The following LRRC4C variants were observed in gnomAD, a reference collection of about 807,000 sequenced individuals.
The protein encoded by LRRC4C is leucine-rich repeat-containing protein 4C.
A neutral mutation model predicts 33.6 loss-of-function variants in LRRC4C; 5 were observed. The ratio of observed to expected loss-of-function variants is 0.15; its 90% confidence interval spans 0.08 to 0.31. The LOEUF (loss-of-function observed/expected upper bound fraction) is 0.31, where lower values mean the gene tolerates loss of function less well. LRRC4C is among the 10% of genes least tolerant of loss of function. LRRC4C has a pLI of 1.00. For missense variants in LRRC4C, 560 were observed against 796.7 expected, an observed-to-expected ratio of 0.70 and a Z score of 3.58; for synonymous variants, 329 against 302.0, an observed-to-expected ratio of 1.09 and a Z score of -0.93.
chr11:40,756,476 G>A (rs1183011394), intron 2 of LRRC4C, among the ~76,000 whole-genome samples: 1 of 151,894 alleles, frequency 6.6e-6, no homozygotes, highest in Non-Finnish European at 1.5e-5. Flanking sequence ...CCCATATCAG[G>A]CTGCCAGGGA....
intron 3 of LRRC4C, among the ~76,000 whole-genome samples, chr11:40,635,471 T>C (rs1010877604): frequency 1.3e-5 from 2 of 151,882 alleles, no homozygotes; most frequent in African/African-American, 4.8e-5. Context: ...AGAAAGAACA[T>C]ACACACAGAC....
chr11:41,028,499 TC>T (rs1856522657), intron 1 of LRRC4C, among the ~76,000 whole-genome samples: 1 of 151,558 alleles, frequency 6.6e-6, no homozygotes, highest in South Asian at 2.1e-4. Flanking sequence ...TTAGCTTCTC[TC>T]TCACTTAAAT....
At chr11:40,950,319 T>C (rs915702017) in intron 1 of LRRC4C, among the ~76,000 whole-genome samples, 3 of 152,116 alleles carry the variant, frequency 2.0e-5, no homozygotes, top group African/African-American at 7.2e-5. Flanking sequence ...GGAAAAATGA[T>C]AGACATTCCT....
intron 1 of LRRC4C, among the ~76,000 whole-genome samples, chr11:41,079,915 G>A (rs1382237606): frequency 6.6e-6 from 1 of 152,076 alleles, no homozygotes; most frequent in African/African-American, 2.4e-5. Flanking sequence ...ATACCAAGGA[G>A]GTCATTCAGT....
chr11:40,669,152 A>C (rs1437205423), intron 2 of LRRC4C, among the ~76,000 whole-genome samples: 4 of 152,216 alleles, frequency 2.6e-5, no homozygotes, highest in African/African-American at 7.2e-5. Context: ...AAATGAATAA[A>C]TGAATGGGCC....
At chr11:41,418,908 C>T (rs1339823544) in intron 1 of LRRC4C, among the ~76,000 whole-genome samples, 1 of 151,768 alleles carries the variant, frequency 6.6e-6, no homozygotes, top group East Asian at 1.9e-4. Context: ...TTAAATATTA[C>T]CTTCACAAGT....
chr11:41,271,123 T>C (rs1949306084), intron 1 of LRRC4C, among the ~76,000 whole-genome samples: 1 of 152,114 alleles, frequency 6.6e-6, no homozygotes, highest in African/African-American at 2.4e-5. Context: ...GACATATAAT[T>C]TGGGGGGACA....
chr11:40,346,341 C>G (rs1010793465), intron 3 of LRRC4C, among the ~76,000 whole-genome samples: 1 of 152,150 alleles, frequency 6.6e-6, no homozygotes, highest in Non-Finnish European at 1.5e-5. Context: ...AAATGTGATA[C>G]ATATACACCA....
chr11:40,780,785 A>G (rs1024678239), intron 2 of LRRC4C, among the ~76,000 whole-genome samples: 1 of 135,632 alleles, frequency 7.4e-6, no homozygotes, highest in Non-Finnish European at 1.6e-5. Flanking sequence ...AACTGATAAG[A>G]GGCTTTTTTT....
At chr11:40,748,355 C>T (rs1024743710) in intron 2 of LRRC4C, among the ~76,000 whole-genome samples, 7 of 152,162 alleles carry the variant, frequency 4.6e-5, no homozygotes, top group Admixed American at 3.3e-4. Flanking sequence ...CTTAGATAAG[C>T]AAAAGCTTAG....
At chr11:40,714,283 C>T (rs1236812037) in intron 2 of LRRC4C, among the ~76,000 whole-genome samples, 13 of 152,126 alleles carry the variant, frequency 8.5e-5, no homozygotes, top group Non-Finnish European at 2.9e-5. Context: ...AGAAAGTAAA[C>T]GTTTATTATT....
intron 2 of LRRC4C, among the ~76,000 whole-genome samples, chr11:40,714,831 G>A (rs1946629401): frequency 2.0e-5 from 3 of 152,134 alleles, no homozygotes; most frequent in South Asian, 2.1e-4. Context: ...GGTGGCAAAT[G>A]TTAGACTTTT....
intron 3 of LRRC4C, among the ~76,000 whole-genome samples, chr11:40,591,021 T>A (rs1219638731): frequency 1.3e-5 from 2 of 150,750 alleles, no homozygotes; most frequent in East Asian, 2.0e-4. Context: ...TGGAGCTTCC[T>A]GGCTGCTTTG....
intron 1 of LRRC4C, among the ~76,000 whole-genome samples, chr11:41,065,788 C>T (rs1296226696): frequency 2.0e-5 from 3 of 152,038 alleles, no homozygotes; most frequent in Non-Finnish European, 4.4e-5. Flanking sequence ...TGGAGTGGAC[C>T]CCCAGCAAAC....
chr11:41,425,344 C>CT (rs1955003341), intron 1 of LRRC4C, among the ~76,000 whole-genome samples: 1 of 152,046 alleles, frequency 6.6e-6, no homozygotes, highest in African/African-American at 2.4e-5. Context: ...CAGTTGCTAC[C>CT]TGGGCCTCTC....
chr11:40,586,550 A>G (rs1233849784), intron 3 of LRRC4C, among the ~76,000 whole-genome samples: 5 of 148,780 alleles, frequency 3.4e-5, no homozygotes, highest in Non-Finnish European at 7.4e-5. Context: ...GTCCTTGCCC[A>G]TGCCTATGTC....
chr11:40,392,043 TA>T (rs1949358087), intron 3 of LRRC4C, among the ~76,000 whole-genome samples: 1 of 152,108 alleles, frequency 6.6e-6, no homozygotes, highest in Non-Finnish European at 1.5e-5. Flanking sequence ...GAAGCCAGTA[TA>T]AAAAGGCTAC....
At chr11:40,332,066 T>C (rs1360770140) in intron 3 of LRRC4C, among the ~76,000 whole-genome samples, 6 of 152,234 alleles carry the variant, frequency 3.9e-5, no homozygotes, top group Non-Finnish European at 8.8e-5. Flanking sequence ...GCTTTTTCTA[T>C]ATTTTGTGAC....
intron 5 of LRRC4C, among the ~76,000 whole-genome samples, chr11:40,142,430 C>G (rs1464855545): frequency 6.6e-6 from 1 of 151,932 alleles, no homozygotes; most frequent in Non-Finnish European, 1.5e-5. Flanking sequence ...TAGAGCAAGG[C>G]TGTAGGTAAC....
Sources: allele counts gnomAD v4.1 joint callset (sites outside exome capture counted in the v4.1 genomes callset), GRCh38; gene constraint gnomAD v4.1.1; transcripts MANE v1.5; gene names NCBI Gene and HGNC (gene_info 2026-07-23, HGNC 2026-07-21).